MAP1A: variants seen among roughly 807,000 people sequenced by gnomAD.
MAP1A encodes the protein microtubule-associated protein 1A.
A neutral mutation model predicts 185.9 loss-of-function variants in MAP1A; 42 were observed. That is an observed-to-expected ratio of 0.23 (90% CI 0.18 to 0.29). The LOEUF (loss-of-function observed/expected upper bound fraction) is 0.29, where lower values mean the gene tolerates loss of function less well. Among genes scored for constraint, MAP1A ranks in the 10% least tolerant of loss-of-function variants. MAP1A has a pLI of 1.00. For missense variants in MAP1A, 2,995 were observed against 3,450.4 expected, an observed-to-expected ratio of 0.87 and a Z score of 3.31; for synonymous variants, 1,229 against 1,335.9, an observed-to-expected ratio of 0.92 and a Z score of 1.74.
At chr15:43,518,477 C>A (rs1340538819) in intron 1 of MAP1A, among the ~76,000 whole-genome samples, 1 of 152,092 alleles carries the variant, frequency 6.6e-6, no homozygotes, top group Non-Finnish European at 1.5e-5. Context: ...AACAGAGGAG[C>A]CAGTTTCTTC....
At position 43,522,928 on chromosome 15, in the gene MAP1A, A is replaced by G. The variant is rs764381010; in HGVS notation, c.1455A>G (p.Lys485=). Reference sequence around the variant, plus strand: ...AAGCCAAGGTCCCTGGAAGAGTCAAAATAGACAGGAGCCGTGCTATCCGTG... The same window carrying G: ...AAGCCAAGGTCCCTGGAAGAGTCAAGATAGACAGGAGCCGTGCTATCCGTG... ...LYKAKVPGRV[K]IDRSRAIRGE... Residue 485 remains lysine (K), a synonymous_variant, in exon 4 of 6, where the codon AAA becomes AAG. Coordinates refer to ENST00000300231, the MANE Select transcript of MAP1A (RefSeq NM_002373.6). The surrounding 1 kb of genome is among the most constrained non-coding windows in gnomAD (Gnocchi z 5.9). 12 of 1,613,914 alleles carry G rather than the reference A, an allele frequency of 7.4e-6. No individual in the cohort carries two copies. Among genetic ancestry groups the G allele is most frequent in the Non-Finnish European group, 9.3e-6 (11 of 1,179,906 alleles).
rs1295489804 is a variant in MAP1A at position 43,527,526 on chromosome 15, C to T, written c.6053C>T (p.Ser2018Leu). ...AACACATCTGCAGAGAAGGAGCTTT[C>T]ATCTCCTATCTCACCCAAGAGCCTC... Reference protein sequence around the residue: ...GRNTSAEKELSSPISPKSLQS... With the variant: ...GRNTSAEKELLSPISPKSLQS... The change falls in exon 4 of 6, where the codon TCA (serine) becomes TTA (leucine). Residue 2018 changes from serine (S) to leucine (L), a missense_variant. By Grantham distance (145) the Ser-to-Leu change is moderately radical. Around this residue, in one of 3 missense-constraint regions of MAP1A, gnomAD observed 2,728 missense variants for 2,986.0 expected, o/e 0.91. Coordinates refer to ENST00000300231, the MANE Select transcript of MAP1A (RefSeq NM_002373.6). 2 of 1,614,128 alleles carry T rather than the reference C, an allele frequency of 1.2e-6. No homozygotes were observed. Among genetic ancestry groups the T allele is most frequent in the Non-Finnish European group, 1.7e-6 (2 of 1,180,006 alleles).
chr15:43,513,447 C>G (rs1008232948), upstream of MAP1A, among the ~76,000 whole-genome samples: 10 of 152,224 alleles, frequency 6.6e-5, no homozygotes, highest in African/African-American at 2.4e-4. Context: ...GCCACTGCAA[C>G]TGAATGATTG....
In MAP1A at chr15:43,527,238, C is replaced by T. The variant is rs1478611023; in HGVS notation, c.5765C>T (p.Ala1922Val). The T allele has an allele frequency of 6.2e-7, 1 of 1,614,116 alleles. No homozygotes were observed. The highest frequency in any genetic ancestry group is 8.5e-7 in the Non-Finnish European group (1 of 1,179,984). The change falls in exon 4 of 6, where the codon GCT becomes GTT. Residue 1922 changes from alanine to valine, a missense_variant. By Grantham distance (64) the Ala-to-Val change is moderately conservative. This residue lies in a region of MAP1A where 2,728 missense variants were observed against 2,986.0 expected (regional missense o/e 0.91). Transcript: ENST00000300231. The part of the protein sequence containing the change: ...AEGEREEEGR[A>V]EAPDKSSHSS... ...GGGGAAAGGGAAGAAGAAGGTAGGG[C>T]TGAGGCTCCTGACAAAAGCTCACAC...
In MAP1A at chr15:43,523,375, C is replaced by G. The variant is rs78858299; in HGVS notation, c.1902C>G (p.Leu634=). The G allele has an allele frequency of 1.8e-3, 2,955 of 1,611,516 alleles. 63 individuals carry two copies. The African/African-American group carries it at 0.035, about 19-fold the overall frequency. ...EEKKQREAER[L]PDRTEAREES... is the part of the protein sequence containing the mutation. ...AGAAGCAGAGGGAAGCAGAGAGGCT[C>G]CCAGACAGAACAGAAGCCAGAGAGG... Residue 634 remains leucine (L), a synonymous_variant, in exon 4 of 6, where the codon CTC becomes CTG. Transcript: ENST00000300231.
In MAP1A at chr15:43,527,882, A is replaced by G; in HGVS notation, c.6409A>G (p.Thr2137Ala). 6.2e-7 allele frequency: 1 copy of G among 1,613,946 alleles called. No individual in the cohort carries two copies. The highest frequency in any genetic ancestry group is 8.5e-7 in the Non-Finnish European group (1 of 1,179,940). Residue 2137 changes from threonine to alanine, a missense_variant, in exon 4 of 6, where the codon ACA (threonine) becomes GCA (alanine). Transcript: ENST00000300231. ...TCACCCCATTCCTATGGGGTCCCCC[A>G]CATTATGGCCAGAAACTGAGGCACA... ...PPHPIPMGSP[T>A]LWPETEAHVS... is the part of the protein sequence containing the mutation.
chr15:43,526,155 A>G lies in MAP1A; in HGVS notation c.4682A>G (p.Lys1561Arg). 6.2e-7 allele frequency: 1 copy of G among 1,613,930 alleles called. No homozygotes were observed. Among genetic ancestry groups the G allele is most frequent in the Middle Eastern group, 1.7e-4 (1 of 6,058 alleles). Residue 1561 changes from lysine (K) to arginine (R), a missense_variant, in exon 4 of 6, where the codon AAG (lysine) becomes AGG (arginine). Coordinates refer to ENST00000300231, the MANE Select transcript of MAP1A (RefSeq NM_002373.6). The surrounding 1 kb of genome is among the most constrained non-coding windows in gnomAD (Gnocchi z 4.7). The part of the protein sequence containing the change: ...LEQKYWALGQ[K>R]DEALEQNIQA... ...CAAAAATACTGGGCTTTGGGACAGA[A>G]GGATGAAGCCCTGGAACAAAACATT...
In MAP1A at chr15:43,526,077, A is replaced by G. The variant is rs200552991; in HGVS notation, c.4604A>G (p.Gln1535Arg). The change falls in exon 4 of 6, where the codon CAG becomes CGG. Residue 1535 changes from glutamine (Q) to arginine (R), a missense_variant. Physicochemically the swap from Gln to Arg is conservative, Grantham distance 43 (BLOSUM62 1). Coordinates refer to ENST00000300231, the MANE Select transcript of MAP1A (RefSeq NM_002373.6). This position sits in a 1 kb window ranked among gnomAD's most constrained non-coding sequence, Gnocchi z 4.7. ...QTDKAPEQKH[Q>R]AQEQKDKVSE... ...GACAAAGCCCCTGAACAGAAACACCAGGCCCAGGAACAAAAGGATAAAGTC... is the reference window on the plus strand; with the variant it reads ...GACAAAGCCCCTGAACAGAAACACCGGGCCCAGGAACAAAAGGATAAAGTC... The G allele has an allele frequency of 9.3e-6, 15 of 1,614,166 alleles. No individual in the cohort carries two copies. The highest frequency in any genetic ancestry group is 1.6e-4 in the Middle Eastern group (1 of 6,062).
intron 1 of MAP1A, among the ~76,000 whole-genome samples, chr15:43,518,595 G>A (rs1471617052): frequency 6.6e-6 from 1 of 152,046 alleles, no homozygotes; most frequent in Non-Finnish European, 1.5e-5. Flanking sequence ...GGAGCTCAGC[G>A]CGCACACTCA....
At position 43,529,602 on chromosome 15, in the gene MAP1A, A is replaced by G. The variant is rs1595651825; in HGVS notation, c.8036-48A>G. The stretch of plus-strand genomic sequence containing the variant: ...AGTGGGACAGAGGGGAAGGTTGCCA[A>G]AAGGGTTCTACTTTTCCTCTACAAT... On this transcript the variant is annotated intron_variant, in intron 4 of 5. Transcript: ENST00000300231. The surrounding 1 kb of genome is among the most constrained non-coding windows in gnomAD (Gnocchi z 4.3). 2 of 1,609,458 alleles carry G rather than the reference A, an allele frequency of 1.2e-6. No individual in the cohort carries two copies. Among genetic ancestry groups the G allele is most frequent in the East Asian group, 2.2e-5 (1 of 44,820 alleles).
Position 43,522,791 on chromosome 15 carries a change from A to G in MAP1A, c.1318A>G (p.Lys440Glu), listed in dbSNP as rs1264455817. 5 of 1,571,240 alleles carry G rather than the reference A, an allele frequency of 3.2e-6. No homozygotes were observed. The highest frequency in any genetic ancestry group is 1.9e-5 in the Admixed American group (1 of 53,104). Residue 440 changes from lysine (K) to glutamate (E), a missense_variant, in exon 4 of 6, where the codon AAG (lysine) becomes GAG (glutamate). Physicochemically the swap from Lys to Glu is moderately conservative, Grantham distance 56. This residue lies in a region of MAP1A where 2,728 missense variants were observed against 2,986.0 expected (regional missense o/e 0.91). Transcript: ENST00000300231. The surrounding 1 kb of genome is among the most constrained non-coding windows in gnomAD (Gnocchi z 5.9). ...LKKDEGRKEE[K>E]KDAKKEEKRK... ...GAAGGATGAAGGAAGGAAGGAGGAG[A>G]AGAAGGATGCCAAGAAGGAGGAGAA...
intron 1 of MAP1A, among the ~76,000 whole-genome samples, chr15:43,517,947 A>G (rs1001471836): frequency 6.6e-6 from 1 of 152,152 alleles, no homozygotes; most frequent in Admixed American, 6.5e-5. Context: ...GATGGGAGAA[A>G]TCAGCCTGGG....
In MAP1A at chr15:43,522,736, A is replaced by C. The variant is rs1425510723; in HGVS notation, c.1263A>C (p.Lys421Asn). The change falls in exon 4 of 6, where the codon AAA (lysine) becomes AAC (asparagine). Residue 421 changes from lysine to asparagine, a missense_variant. Physicochemically the swap from Lys to Asn is moderately conservative, Grantham distance 94. This residue lies in a region of MAP1A where 2,728 missense variants were observed against 2,986.0 expected (regional missense o/e 0.91). Transcript: ENST00000300231. The surrounding 1 kb of genome is among the most constrained non-coding windows in gnomAD (Gnocchi z 5.9). ...AAGAAAAAAAAGACAAGGAGAAAAA[A>C]GAGATCAAAAAGGAGAGGAAAGAGC... Reference protein sequence around the residue: ...KLEEKKDKEKKEIKKERKELK... With the variant: ...KLEEKKDKEKNEIKKERKELK... 6.3e-7 allele frequency: 1 copy of C among 1,579,454 alleles called. No individual in the cohort carries two copies. The highest frequency in any genetic ancestry group is 1.1e-5 in the South Asian group (1 of 87,162).
rs1227734907 is a variant in MAP1A, at chr15:43,527,165, G to A, written c.5692G>A (p.Glu1898Lys). 5 of 1,613,592 alleles carry A rather than the reference G, an allele frequency of 3.1e-6. No individual in the cohort carries two copies. The highest frequency in any genetic ancestry group is 4.2e-6 in the Non-Finnish European group (5 of 1,179,888). Reference sequence around the variant, plus strand: ...AGTGCAGGAGGGGGCAGCTGAGTTGGAAGGTGGGCCATACTCCCCCCTGGG... The same window carrying A: ...AGTGCAGGAGGGGGCAGCTGAGTTGAAAGGTGGGCCATACTCCCCCCTGGG... ...AAVQEGAAEL[E>K]GGPYSPLGKD... The change falls in exon 4 of 6, where the codon GAA (glutamate) becomes AAA (lysine). Residue 1898 changes from glutamate (E) to lysine (K), a missense_variant. Physicochemically the swap from Glu to Lys is moderately conservative, Grantham distance 56. This residue lies in a region of MAP1A where 2,728 missense variants were observed against 2,986.0 expected (regional missense o/e 0.91). Coordinates refer to ENST00000300231, the MANE Select transcript of MAP1A (RefSeq NM_002373.6).
In MAP1A at chr15:43,531,593, A is replaced by G. The variant is rs2079373474; in HGVS notation, c.*1369A>G. ...AACGGAGCCACCTCCAACTCTAACA[A>G]TAAACCAAGTTCATTGCAGATAGTG... On this transcript the variant is annotated 3_prime_UTR_variant, in exon 6 of 6. Coordinates refer to ENST00000300231, the MANE Select transcript of MAP1A (RefSeq NM_002373.6). 1 of 152,804 alleles carries G rather than the reference A, an allele frequency of 6.5e-6. No homozygotes were observed. The highest frequency in any genetic ancestry group is 1.5e-5 in the Non-Finnish European group (1 of 68,144). The allele number at this position is 152,804 out of a possible 1,614,324, so 9.5% of individuals were successfully genotyped here.
chr15:43,521,725 G>A lies in MAP1A; in HGVS notation c.252G>A (p.Ser84=), dbSNP rs369525278. 4.0e-5 allele frequency: 64 copies of A among 1,614,026 alleles called. No individual in the cohort carries two copies. Among genetic ancestry groups the A allele is most frequent in the Middle Eastern group, 1.6e-4 (1 of 6,084 alleles). ...TACGGCACTTGGACCGCATTGACTC[G>A]GTGCTACTCACACACATTGGGGCAG... ...KLVRHLDRID[S]VLLTHIGADN... is the part of the protein sequence containing the mutation. Residue 84 remains serine (S), a synonymous_variant, in exon 4 of 6, where the codon TCG becomes TCA. Transcript: ENST00000300231. This position sits in a 1 kb window ranked among gnomAD's most constrained non-coding sequence, Gnocchi z 4.6.
At position 43,529,176 on chromosome 15, in the gene MAP1A, C is replaced by G. The variant is rs775773688; in HGVS notation, c.7703C>G (p.Pro2568Arg). 1 of 1,612,464 alleles carries G rather than the reference C, an allele frequency of 6.2e-7. No individual in the cohort carries two copies. The highest frequency in any genetic ancestry group is 1.1e-5 in the South Asian group (1 of 90,984). Reference sequence around the variant, plus strand: ...CCACCTCCTCTCCCACAGCCAGACCCCCGCCCATCCCCTCCCCGCCCTGAT... The same window carrying G: ...CCACCTCCTCTCCCACAGCCAGACCGCCGCCCATCCCCTCCCCGCCCTGAT... ...HDPPPLPQPD[P>R]RPSPPRPDVC... The change falls in exon 4 of 6, where the codon CCC (proline) becomes CGC (arginine). Residue 2568 changes from proline (P) to arginine (R), a missense_variant. Pro to Arg is a moderately radical substitution (Grantham distance 103). Around this residue, in one of 3 missense-constraint regions of MAP1A, gnomAD observed 2,728 missense variants for 2,986.0 expected, o/e 0.91. Transcript: ENST00000300231. The surrounding 1 kb of genome is among the most constrained non-coding windows in gnomAD (Gnocchi z 4.3).
rs1435386754 is a variant in MAP1A at position 43,522,258 on chromosome 15, T to A, written c.785T>A (p.Ile262Asn). Reference protein sequence around the residue: ...VWLPANPTEKIVRVLFPGNAP... With the variant: ...VWLPANPTEKNVRVLFPGNAP... ...CTACCAGCCAATCCCACTGAGAAGA[T>A]TGTGCGTGTGCTTTTTCCAGGAAAT... is the stretch of plus-strand genomic sequence containing the variant. The change falls in exon 4 of 6, where the codon ATT (isoleucine) becomes AAT (asparagine). Residue 262 changes from isoleucine to asparagine, a missense_variant. By Grantham distance (149) the Ile-to-Asn change is moderately radical. Around this residue, in one of 3 missense-constraint regions of MAP1A, gnomAD observed 264 missense variants for 435.3 expected, o/e 0.61. Coordinates refer to ENST00000300231, the MANE Select transcript of MAP1A (RefSeq NM_002373.6). The surrounding 1 kb of genome is among the most constrained non-coding windows in gnomAD (Gnocchi z 5.9). 6.2e-7 allele frequency: 1 copy of A among 1,614,138 alleles called. No individual in the cohort carries two copies. The highest frequency in any genetic ancestry group is 8.5e-7 in the Non-Finnish European group (1 of 1,180,022).
chr15:43,513,330 G>GAA (rs764493122), upstream of MAP1A, among the ~76,000 whole-genome samples: 3 of 128,422 alleles, frequency 2.3e-5, no homozygotes, highest in Admixed American at 1.6e-4. Context: ...TCCATCTCAG[G>GAA]AAAAAAAAAA....
Sources: gnomAD v4.1 joint callset for allele counts (sites outside exome capture counted in the v4.1 genomes callset) on GRCh38, gnomAD v4.1.1 for gene constraint, gnomAD v4.1.1 regional missense constraint, Gnocchi (gnomAD v3.1) non-coding constraint, MANE v1.5 for transcripts, NCBI Gene and HGNC (gene_info 2026-07-23, HGNC 2026-07-21) for gene names.